The following ANKH variants were observed in gnomAD, a reference collection of about 807,000 sequenced individuals.
The protein encoded by ANKH is mineralization regulator ANKH.
In ANKH, 15 loss-of-function variants were observed where a neutral mutation model predicts 49.0. The ratio of observed to expected loss-of-function variants is 0.31; its 90% confidence interval spans 0.20 to 0.47. ANKH has a LOEUF of 0.47. ANKH is among the 20% of genes least tolerant of loss of function. The probability of loss-of-function intolerance (pLI) is 1.00; values close to 1 mark genes in which losing one functional copy is unlikely to be tolerated. For synonymous variants in ANKH, 273 were observed against 260.0 expected (o/e 1.05, Z -0.48); for missense variants, 429 against 652.0 (o/e 0.66, Z 3.72).
intron 8 of ANKH, among the ~76,000 whole-genome samples, chr5:14,717,686 G>C (rs78622564): frequency 0.06 from 9,170 of 152,282 alleles, 337 homozygotes; most frequent in Non-Finnish European, 0.095. Flanking sequence ...GGGGTACCTG[G>C]CATGGCCCAG....
At chr5:14,809,335 TAAAAAAAA>T (rs36119317) in intron 1 of ANKH, among the ~76,000 whole-genome samples, 4 of 80,858 alleles carry the variant, frequency 4.9e-5, no homozygotes, top group Non-Finnish European at 7.1e-5. Context: ...TAGAGTATAA[TAAAAAAAA>T]AAAAAAAAAA....
chr5:14,832,187 T>G (rs33102), intron 1 of ANKH, among the ~76,000 whole-genome samples: 95,389 of 151,994 alleles, frequency 0.63, 30,448 homozygotes, highest in East Asian at 0.84. Flanking sequence ...TAAGAAATCA[T>G]TCCTTAAGCA....
chr5:14,720,684 T>TAC (rs1439571247), intron 8 of ANKH, among the ~76,000 whole-genome samples: 2 of 152,188 alleles, frequency 1.3e-5, no homozygotes, highest in African/African-American at 4.8e-5. Flanking sequence ...CATTCTGTGT[T>TAC]TATCTAAGGG....
intron 1 of ANKH, chr5:14,798,174 T>C: frequency 2.5e-6 from 4 of 1,573,826 alleles, no homozygotes; most frequent in Non-Finnish European, 3.5e-6. Context: ...AAGATGGTTT[T>C]GTTCATCCGA....
intron 1 of ANKH, among the ~76,000 whole-genome samples, chr5:14,837,094 C>T (rs1431516545): frequency 6.6e-6 from 1 of 152,186 alleles, no homozygotes; most frequent in Non-Finnish European, 1.5e-5. Flanking sequence ...GGATCCCTTC[C>T]TTACACCTTA....
At chr5:14,744,252 C>T (rs749134579) in intron 7 of ANKH, among the ~76,000 whole-genome samples, 9 of 152,202 alleles carry the variant, frequency 5.9e-5, no homozygotes, top group Non-Finnish European at 1.2e-4. Context: ...AGGAGATGCT[C>T]TGCATCCTGA....
At chr5:14,858,521 G>A (rs1201531526) in intron 1 of ANKH, among the ~76,000 whole-genome samples, 1 of 152,126 alleles carries the variant, frequency 6.6e-6, no homozygotes, top group Non-Finnish European at 1.5e-5. Context: ...TTTGAGATAA[G>A]CCTGGCCAGC....
intron 1 of ANKH, among the ~76,000 whole-genome samples, chr5:14,850,842 C>T (rs1046982752): frequency 4.6e-5 from 7 of 151,844 alleles, no homozygotes; most frequent in South Asian, 2.1e-4. Context: ...AAGGCACAAA[C>T]GATTAAAGCC....
intron 1 of ANKH, among the ~76,000 whole-genome samples, chr5:14,845,645 A>T (rs1263740209): frequency 6.6e-6 from 1 of 152,032 alleles, no homozygotes; most frequent in African/African-American, 2.4e-5. Flanking sequence ...CTTGGGTTTC[A>T]ATCCACCCAG....
chr5:14,843,175 C>CT (rs34837612), intron 1 of ANKH, among the ~76,000 whole-genome samples: 2,992 of 132,228 alleles, frequency 0.023, 95 homozygotes, highest in African/African-American at 0.06. Flanking sequence ...CCAGGGTTCT[C>CT]TTTTTTTTTT....
Position 14,758,132 on chromosome 5 carries a change from T to C in ANKH, c.432+348A>G, listed in dbSNP as rs563988035. Among the ~76,000 whole-genome samples the C allele has an allele frequency of 2.0e-5, 3 of 152,326 alleles. No individual in the cohort carries two copies. In the East Asian group the frequency reaches 5.8e-4, roughly 29 times the overall value. ...AATTCTGACACCTGCTACTACATTG[T>C]TAAACTCTGAAGACACGCTCAGTGA... is the stretch of plus-strand genomic sequence containing the variant. On this transcript the variant is annotated intron_variant, in intron 3 of 11. Coordinates refer to ENST00000284268, the MANE Select transcript of ANKH (RefSeq NM_054027.6).
At chr5:14,823,971 T>A (rs1741268351) in intron 1 of ANKH, among the ~76,000 whole-genome samples, 1 of 152,112 alleles carries the variant, frequency 6.6e-6, no homozygotes, top group African/African-American at 2.4e-5. Flanking sequence ...CTCCCTGTGG[T>A]TCTGCTGCCC....
At chr5:14,840,639 G>A (rs912680670) in intron 1 of ANKH, among the ~76,000 whole-genome samples, 2 of 152,154 alleles carry the variant, frequency 1.3e-5, no homozygotes, top group Admixed American at 6.5e-5. Context: ...TGCTTCATAA[G>A]GTGGTTTCTA....
At chr5:14,738,152 C>T (rs1417481788) in intron 8 of ANKH, among the ~76,000 whole-genome samples, 3 of 152,294 alleles carry the variant, frequency 2.0e-5, no homozygotes, top group African/African-American at 7.2e-5. Flanking sequence ...TGGAGTAGGA[C>T]AGATACTCTA....
chr5:14,847,425 C>T (rs74986182), intron 1 of ANKH, among the ~76,000 whole-genome samples: 1,836 of 152,278 alleles, frequency 0.012, 41 homozygotes, highest in African/African-American at 0.042. Flanking sequence ...ACTCGGAAAT[C>T]GCCGGAACCT....
intron 1 of ANKH, among the ~76,000 whole-genome samples, chr5:14,841,386 T>C (rs936946855): frequency 2.0e-5 from 3 of 151,888 alleles, no homozygotes; most frequent in Non-Finnish European, 2.9e-5. Flanking sequence ...AACCTCCGCC[T>C]CCCGGGTTCA....
intron 8 of ANKH, among the ~76,000 whole-genome samples, chr5:14,731,813 T>C (rs1738012539): frequency 6.6e-6 from 1 of 152,156 alleles, no homozygotes; most frequent in Non-Finnish European, 1.5e-5. Context: ...CTAGGGAAAG[T>C]GATGGGCTGA....
chr5:14,712,827 C>A (rs756993699), intron 11 of ANKH, 47 bp downstream of exon 11: 18 of 1,528,864 alleles, frequency 1.2e-5, no homozygotes, highest in Middle Eastern at 1.8e-4. Context: ...TTCTCCTGCA[C>A]CCAGGAGGAT....
intron 1 of ANKH, among the ~76,000 whole-genome samples, chr5:14,798,995 T>C (rs1286542238): frequency 4.6e-5 from 7 of 152,190 alleles, no homozygotes; most frequent in African/African-American, 1.7e-4. Flanking sequence ...GTTAGCCAAG[T>C]TGTGCATGTA....
Sources: allele counts gnomAD v4.1 joint callset (sites outside exome capture counted in the v4.1 genomes callset), GRCh38; gene constraint gnomAD v4.1.1; transcripts MANE v1.5; gene names NCBI Gene and HGNC (gene_info 2026-07-23, HGNC 2026-07-21).